The following C3orf52 variants were observed in gnomAD, a reference collection of about 807,000 sequenced individuals.
The protein encoded by C3orf52 is chromosome 3 open reading frame 52.
C3orf52 carries 22 observed loss-of-function variants against 24.8 expected under a neutral mutation model. That is an observed-to-expected ratio of 0.89 (90% CI 0.63 to 1.27). The LOEUF is 1.27. Ranked by LOEUF, C3orf52 falls within the 50% of genes most tolerant of loss-of-function variation. C3orf52 has a pLI of 0.00. For missense variants in C3orf52, 265 were observed against 260.7 expected (o/e 1.02, Z -0.11); for synonymous variants, 93 against 100.2 (o/e 0.93, Z 0.43).
downstream of C3orf52, among the ~76,000 whole-genome samples, chr3:112,135,932 T>C (rs975494327): frequency 2.6e-5 from 4 of 152,188 alleles, no homozygotes; most frequent in African/African-American, 4.8e-5. Context: ...TCATTGTTCT[T>C]TGAAATTATC....
At chr3:112,097,018 A>T (rs755340384) in intron 2 of C3orf52, among the ~76,000 whole-genome samples, 1 of 152,162 alleles carries the variant, frequency 6.6e-6, no homozygotes, top group African/African-American at 2.4e-5. Flanking sequence ...GTCCATTTTT[A>T]TGAGTGGAAC....
Position 112,086,402 on chromosome 3 carries a change from C to T in C3orf52, c.-6C>T, listed in dbSNP as rs1445276923. The T allele has an allele frequency of 4.6e-6, 7 of 1,536,122 alleles. No individual in the cohort carries two copies. The highest frequency in any genetic ancestry group is 4.0e-5 in the Admixed American group (2 of 49,884). On this transcript the variant is annotated 5_prime_UTR_variant, in exon 1 of 6. Coordinates refer to ENST00000264848, the MANE Select transcript of C3orf52 (RefSeq NM_024616.3). ...GCGGAGCCGCTCAGACTTTCCCTGC[C>T]GGCACATGGACCTGGCCCAACCCTC...
Position 112,117,008 on chromosome 3 carries a change from G to A in C3orf52, c.*362G>A, listed in dbSNP as rs1006158349. Reference sequence around the variant, plus strand: ...TCGTTCTGTCGCTTAGCTGGAGTGCGGTGGCGTGATCATGGCACTGCTATT... The same window carrying A: ...TCGTTCTGTCGCTTAGCTGGAGTGCAGTGGCGTGATCATGGCACTGCTATT... On this transcript the variant is annotated 3_prime_UTR_variant, in exon 6 of 6. Coordinates refer to ENST00000264848, the MANE Select transcript of C3orf52 (RefSeq NM_024616.3). 1.1e-5 allele frequency: 15 copies of A among 1,311,058 alleles called. No individual in the cohort carries two copies. Among genetic ancestry groups the A allele is most frequent in the South Asian group, 1.4e-5 (1 of 73,290 alleles). The allele number at this position is 1,311,058 out of a possible 1,614,324, so 81.2% of individuals were successfully genotyped here.
chr3:112,102,922 A>T lies in C3orf52; in HGVS notation c.353A>T (p.Glu118Val). Reference protein sequence around the residue: ...TFFIMLKIPEECVAEEELPHL... With the variant: ...TFFIMLKIPEVCVAEEELPHL... ...TTCATCATGCTGAAGATTCCAGAGG[A>T]GTGTGTTGCTGAAGAGGAATTGCCT... Residue 118 changes from glutamate to valine, a missense_variant, in exon 3 of 6, where the codon GAG becomes GTG. Physicochemically the swap from Glu to Val is moderately radical, Grantham distance 121. Transcript: ENST00000264848. 1 of 1,611,792 alleles carries T rather than the reference A, an allele frequency of 6.2e-7. No individual in the cohort carries two copies. Among genetic ancestry groups the T allele is most frequent in the Non-Finnish European group, 8.5e-7 (1 of 1,178,978 alleles).
chr3:112,132,175 GACA>G (rs1305620435), downstream of C3orf52, among the ~76,000 whole-genome samples: 1 of 152,126 alleles, frequency 6.6e-6, no homozygotes, highest in Non-Finnish European at 1.5e-5. Context: ...AGAAGTCTCA[GACA>G]ACATGATTCT....
At chr3:112,132,927 G>C (rs2074491894), downstream of C3orf52, 1 of 631,038 alleles carries the variant, frequency 1.6e-6, no homozygotes, top group African/African-American at 1.9e-5. Flanking sequence ...GAAATTTAAT[G>C]TGGTATCTGG....
downstream of C3orf52, chr3:112,135,156 G>A (rs371276446): frequency 2.3e-4 from 36 of 154,308 alleles, no homozygotes; most frequent in Admixed American, 1.2e-3. Flanking sequence ...AAGAAATCTC[G>A]GGACAGGAAT....
intron 5 of C3orf52, among the ~76,000 whole-genome samples, chr3:112,114,770 G>C (rs1339983475): frequency 6.6e-6 from 1 of 152,162 alleles, no homozygotes; most frequent in African/African-American, 2.4e-5. Flanking sequence ...ATGCCTGTGG[G>C]GGCTGCTGCT....
intron 2 of C3orf52, among the ~76,000 whole-genome samples, chr3:112,094,254 C>T (rs1055159585): frequency 1.3e-5 from 2 of 152,178 alleles, no homozygotes; most frequent in African/African-American, 4.8e-5. Flanking sequence ...CTTGGCCTCC[C>T]AAATTGCTGG....
At chr3:112,123,732 GT>G in intron 4 of C3orf52, 1 of 1,613,970 alleles carries the variant, frequency 6.2e-7, no homozygotes, top group Non-Finnish European at 8.5e-7. Flanking sequence ...ATTGATGAGG[GT>G]ATAGCACAGC....
chr3:112,123,295 G>A (rs540124732), intron 4 of C3orf52: 27 of 1,376,588 alleles, frequency 2.0e-5, no homozygotes, highest in South Asian at 9.1e-5. Context: ...TGGCTTTTGC[G>A]TGCTAAGAGG....
intron 4 of C3orf52, chr3:112,125,315 A>G (rs2074292145): frequency 1.8e-6 from 2 of 1,126,560 alleles, no homozygotes; most frequent in Non-Finnish European, 2.7e-6. Flanking sequence ...AGGGAAGAGC[A>G]GGGGAGGCTA....
chr3:112,095,863 C>T (rs1410497702), intron 2 of C3orf52, among the ~76,000 whole-genome samples: 2 of 152,090 alleles, frequency 1.3e-5, no homozygotes, highest in East Asian at 1.9e-4. Flanking sequence ...TCACCTAGAG[C>T]AGTTCCGTAG....
chr3:112,094,826 C>G (rs780916004), intron 2 of C3orf52, among the ~76,000 whole-genome samples: 10 of 152,056 alleles, frequency 6.6e-5, no homozygotes, highest in Non-Finnish European at 1.5e-4. Flanking sequence ...GAGAGGGGCT[C>G]GACTGAGGCT....
At chr3:112,098,791 T>C (rs1190035879) in intron 2 of C3orf52, among the ~76,000 whole-genome samples, 1 of 152,138 alleles carries the variant, frequency 6.6e-6, no homozygotes, top group East Asian at 1.9e-4. Context: ...TCTTCTATGG[T>C]ATAAGGGGAA....
At chr3:112,123,688 A>C (rs1269430122) in intron 4 of C3orf52, 1 of 1,614,034 alleles carries the variant, frequency 6.2e-7, no homozygotes, top group Non-Finnish European at 8.5e-7. Flanking sequence ...TCTTCAGCAG[A>C]GTTCCCTGAT....
chr3:112,125,258 G>T, intron 4 of C3orf52: 1 of 1,569,134 alleles, frequency 6.4e-7, no homozygotes, highest in Non-Finnish European at 8.8e-7. Context: ...CTTTCATCTG[G>T]AGAAAGAAAA....
chr3:112,105,953 C>T (rs1576143981), intron 3 of C3orf52, among the ~76,000 whole-genome samples: 1 of 152,090 alleles, frequency 6.6e-6, no homozygotes, highest in African/African-American at 2.4e-5. Context: ...GCTAGAATGG[C>T]TCACAGAGCT....
intron 2 of C3orf52, among the ~76,000 whole-genome samples, chr3:112,102,480 G>A (rs979938543): frequency 1.1e-4 from 16 of 151,990 alleles, no homozygotes; most frequent in African/African-American, 1.2e-4. Context: ...CACCCCCACC[G>A]TCTCCCAGTA....
Sources: allele counts gnomAD v4.1 joint callset (sites outside exome capture counted in the v4.1 genomes callset), GRCh38; gene constraint gnomAD v4.1.1; transcripts MANE v1.5; gene names NCBI Gene and HGNC (gene_info 2026-07-23, HGNC 2026-07-21).